COL23A1: variants seen among roughly 807,000 people sequenced by gnomAD.
COL23A1 encodes collagen type XXIII alpha 1 chain, also known as collagen alpha-1(XXIII) chain.
COL23A1 carries 97 observed loss-of-function variants against 99.3 expected under a neutral mutation model. The observed-to-expected ratio is 0.98, with a 90% CI of 0.83 to 1.16. The LOEUF (loss-of-function observed/expected upper bound fraction) is 1.16. COL23A1 is among the 50% of genes most tolerant of loss of function. COL23A1 has a pLI of 0.00. For missense variants in COL23A1, 762 were observed against 757.4 expected, an observed-to-expected ratio of 1.01 and a Z score of -0.07; for synonymous variants, 320 against 308.2, an observed-to-expected ratio of 1.04 and a Z score of -0.40.
intron 2 of COL23A1, among the ~76,000 whole-genome samples, chr5:178,370,756 A>C: frequency 6.6e-6 from 1 of 152,180 alleles, no homozygotes; most frequent in East Asian, 1.9e-4. Flanking sequence ...ATTTGCTTAA[A>C]AGGAAAAAAA....
Position 178,361,127 on chromosome 5 carries a change from AT to A in COL23A1, c.362-54209del, listed in dbSNP as rs531328664. On this transcript the variant is annotated intron_variant, in intron 2 of 28. Coordinates refer to ENST00000390654, the MANE Select transcript of COL23A1 (RefSeq NM_173465.4). ...CACTCACACCATGTTTTTAAAAAAC[AT>A]TTTTTCTTTAAACTTTCTTACTTAA... Among the ~76,000 whole-genome samples, 32 of 152,306 alleles carry A rather than the reference AT, an allele frequency of 2.1e-4. No homozygotes were observed. The East Asian group carries it at 4.4e-3, about 21-fold the overall frequency.
At chr5:178,567,263 A>G (rs1410810802) in intron 1 of COL23A1, among the ~76,000 whole-genome samples, 1 of 152,208 alleles carries the variant, frequency 6.6e-6, no homozygotes, top group Non-Finnish European at 1.5e-5. Flanking sequence ...CAGTACCCAG[A>G]TCTTGGTCTC....
At chr5:178,488,083 C>T (rs190184573) in intron 2 of COL23A1, among the ~76,000 whole-genome samples, 63 of 152,286 alleles carry the variant, frequency 4.1e-4, no homozygotes, top group African/African-American at 1.3e-3. Flanking sequence ...ATTAAGCCCA[C>T]GGCAGGGTGC....
intron 2 of COL23A1, among the ~76,000 whole-genome samples, chr5:178,371,912 C>G (rs1445817241): frequency 6.6e-6 from 1 of 152,220 alleles, no homozygotes; most frequent in African/African-American, 2.4e-5. Flanking sequence ...GCTCTGAAAT[C>G]TAACAAGTTA....
chr5:178,256,949 G>C (rs1351315724), intron 13 of COL23A1, 21 bp from the exon 14 acceptor site: 1 of 1,611,764 alleles, frequency 6.2e-7, no homozygotes, highest in East Asian at 2.2e-5. Context: ...CACAGCTGCA[G>C]TGAGAGCAAG....
intron 3 of COL23A1, among the ~76,000 whole-genome samples, chr5:178,292,977 G>A (rs777844659): frequency 7.2e-5 from 11 of 152,086 alleles, no homozygotes; most frequent in Non-Finnish European, 1.3e-4. Context: ...AGAAGACCAG[G>A]AACTGGATGT....
chr5:178,371,961 C>T (rs1762822819), intron 2 of COL23A1, among the ~76,000 whole-genome samples: 1 of 152,198 alleles, frequency 6.6e-6, no homozygotes, highest in African/African-American at 2.4e-5. Flanking sequence ...TGAGCCTGGC[C>T]AAGTCTGCGA....
intron 2 of COL23A1, among the ~76,000 whole-genome samples, chr5:178,343,396 C>G (rs1304140758): frequency 6.6e-6 from 1 of 152,036 alleles, no homozygotes; most frequent in Non-Finnish European, 1.5e-5. Flanking sequence ...AAGGATTAAC[C>G]AAGAAACCTA....
At chr5:178,368,488 G>A (rs1762615273) in intron 2 of COL23A1, among the ~76,000 whole-genome samples, 1 of 152,194 alleles carries the variant, frequency 6.6e-6, no homozygotes, top group Non-Finnish European at 1.5e-5. Context: ...ACTCTTGGTA[G>A]CATACATCCT....
At chr5:178,582,206 CAAAAAAAA>C (rs11315118) in intron 1 of COL23A1, among the ~76,000 whole-genome samples, 1 of 31,628 alleles carries the variant, frequency 3.2e-5, no homozygotes, top group Non-Finnish European at 7.3e-5. Context: ...GACTCTATCT[CAAAAAAAA>C]AAAAAAAAAA....
chr5:178,511,795 C>T (rs1421904072), intron 2 of COL23A1, among the ~76,000 whole-genome samples: 1 of 152,154 alleles, frequency 6.6e-6, no homozygotes, highest in Non-Finnish European at 1.5e-5. Context: ...TGATGCTTTC[C>T]CCACAAGTTA....
At chr5:178,584,157 A>G (rs779587816) in intron 1 of COL23A1, among the ~76,000 whole-genome samples, 2 of 152,144 alleles carry the variant, frequency 1.3e-5, no homozygotes, top group Admixed American at 6.5e-5. Context: ...TTACAGGCAC[A>G]TGTCACCATG....
intron 2 of COL23A1, among the ~76,000 whole-genome samples, chr5:178,477,990 A>C (rs6884035): frequency 6.6e-6 from 1 of 152,108 alleles, no homozygotes; most frequent in Non-Finnish European, 1.5e-5. Flanking sequence ...TAGGCCCTTC[A>C]TGCCACCTGA....
Position 178,288,336 on chromosome 5 carries a change from T to G in COL23A1, c.429A>C (p.Arg143=). 6.2e-7 allele frequency: 1 copy of G among 1,611,824 alleles called. No individual in the cohort carries two copies. The stretch of plus-strand genomic sequence containing the variant: ...AATGACAAATTACCGGGTAGCCATC[T>G]CGTCCTGATTGCCCCTGTGGTAATT... ...GDPGPPGQSG[R]DGYPGPLGLD... Residue 143 remains arginine (R), a synonymous_variant, in exon 5 of 29, where the codon CGA becomes CGC. Transcript: ENST00000390654.
chr5:178,246,137 A>G, intron 24 of COL23A1, 117 bp downstream of exon 24: 2 of 1,340,310 alleles, frequency 1.5e-6, no homozygotes, highest in Non-Finnish European at 2.1e-6. Context: ...CAGAGCCTGA[A>G]CTCTGGCCCT....
At chr5:178,243,776 C>T (rs185550509) in intron 25 of COL23A1, among the ~76,000 whole-genome samples, 1 of 152,284 alleles carries the variant, frequency 6.6e-6, no homozygotes, top group Admixed American at 6.5e-5. Context: ...AGATGCCACC[C>T]TGAGAACCAG....
At chr5:178,418,776 C>G (rs539041817) in intron 2 of COL23A1, among the ~76,000 whole-genome samples, 1 of 152,102 alleles carries the variant, frequency 6.6e-6, no homozygotes, top group African/African-American at 2.4e-5. Context: ...CTTGTCGGCA[C>G]TGGGAGGCAG....
At chr5:178,320,307 C>T (rs1000707236) in intron 2 of COL23A1, among the ~76,000 whole-genome samples, 13 of 152,140 alleles carry the variant, frequency 8.5e-5, no homozygotes, top group African/African-American at 2.9e-4. Flanking sequence ...TGTTGGGTCC[C>T]CAGGCCGGAA....
intron 2 of COL23A1, among the ~76,000 whole-genome samples, chr5:178,371,491 C>T (rs888064144): frequency 6.6e-6 from 1 of 152,130 alleles, no homozygotes; most frequent in African/African-American, 2.4e-5. Flanking sequence ...ACCTCAAAGT[C>T]GCCCCTACAC....
Sources: gnomAD v4.1 joint callset for allele counts (sites outside exome capture counted in the v4.1 genomes callset) on GRCh38, gnomAD v4.1.1 for gene constraint, MANE v1.5 for transcripts, NCBI Gene and HGNC (gene_info 2026-07-23, HGNC 2026-07-21) for gene names.